Variants in COL4A4 observed in about 807,000 individuals in gnomAD.
The protein encoded by COL4A4 is collagen type IV alpha 4 chain.
In COL4A4, 105 loss-of-function variants were observed where a neutral mutation model predicts 192.9. The ratio of observed to expected loss-of-function variants is 0.54; its 90% CI spans 0.46 to 0.64. The LOEUF is 0.64. COL4A4 is among the 30% of genes least tolerant of loss of function. The pLI, the probability that COL4A4 is intolerant of heterozygous loss-of-function variation, is 0.00. For missense variants in COL4A4, 1,967 were observed against 2,169.3 expected (o/e 0.91, Z 1.85); for synonymous variants, 762 against 769.9 (o/e 0.99, Z 0.17).
At chr2:227,032,379 G>T in intron 38 of COL4A4, 103 bp from the exon 39 acceptor site, 2 of 1,353,656 alleles carry the variant, frequency 1.5e-6, no homozygotes, top group Non-Finnish European at 2.0e-6. Context: ...GGAGTGGCTG[G>T]TTCTGCAGAC....
intron 21 of COL4A4, 78 bp from the exon 22 acceptor site, chr2:227,088,894 A>G: frequency 1.3e-6 from 2 of 1,517,462 alleles, no homozygotes; most frequent in Middle Eastern, 1.7e-4. Flanking sequence ...TACAAAACCA[A>G]TAGCATAAAT....
At chr2:227,070,263 T>C (rs28841070) in intron 25 of COL4A4, among the ~76,000 whole-genome samples, 1 of 151,444 alleles carries the variant, frequency 6.6e-6, no homozygotes, top group African/African-American at 2.4e-5. Context: ...ACTTTTACAC[T>C]GTTGGTGGGA....
Position 227,121,153 on chromosome 2 carries a change from G to T in COL4A4, c.193-5C>A. 3 of 1,613,906 alleles carry T rather than the reference G, an allele frequency of 1.9e-6. No individual in the cohort carries two copies. The highest frequency in any genetic ancestry group is 2.5e-6 in the Non-Finnish European group (3 of 1,179,910). On this transcript the variant is annotated splice_polypyrimidine_tract_variant and splice_region_variant and intron_variant, in intron 4 of 47. Coordinates refer to ENST00000396625, the MANE Select transcript of COL4A4 (RefSeq NM_000092.5). ...CCCTGGTGGTCCTGGTGGACCCTGA[G>T]AAGGAAGATTAAAAAGAAATGGGGG...
chr2:227,018,235 G>A (rs150193508), intron 44 of COL4A4, among the ~76,000 whole-genome samples: 240 of 152,230 alleles, frequency 1.6e-3, no homozygotes, highest in African/African-American at 5.5e-3. Context: ...CTTTTGTTTT[G>A]TTTTGTTTTG....
chr2:227,044,366 A>G (rs1157748143), intron 35 of COL4A4, among the ~76,000 whole-genome samples: 1 of 152,200 alleles, frequency 6.6e-6, no homozygotes, highest in African/African-American at 2.4e-5. Flanking sequence ...GGATAAACCA[A>G]TAGTGTGTGC....
Position 227,134,739 on chromosome 2 carries a change from G to A in COL4A4, c.192+5422C>T, listed in dbSNP as rs76545024. On this transcript the variant is annotated intron_variant, in intron 4 of 47. Transcript: ENST00000396625. ...GTTTTTTAGTGATTTGAAATTCTCC[G>A]AAGAAAGAATGACTCACTCACGTTT... Among the ~76,000 whole-genome samples, 777 of 152,298 alleles carry A rather than the reference G, an allele frequency of 5.1e-3. 3 individuals are homozygous for A. The highest frequency in any genetic ancestry group is 8.8e-3 in the Non-Finnish European group (600 of 68,034).
chr2:227,112,161 CTG>C (rs757899096), intron 8 of COL4A4, among the ~76,000 whole-genome samples: 88 of 152,302 alleles, frequency 5.8e-4, no homozygotes, highest in Non-Finnish European at 1.2e-3. Context: ...CCTTGTGACT[CTG>C]TGCTGAGACT....
Position 227,041,775 on chromosome 2 carries a change from GAAGGAAGGAAGGGAAA to G in COL4A4, c.3505+357_3505+372del, listed in dbSNP as rs1321690277. Among the ~76,000 whole-genome samples the G allele has an allele frequency of 5.0e-3, 379 of 76,472 alleles. 11 individuals carry two copies. The highest frequency in any genetic ancestry group is 0.03 in the East Asian group (70 of 2,370). 50.2% of individuals were successfully genotyped at this position (76,472 alleles called of 152,430 possible). A position where few individuals can be genotyped will look rare whatever the true frequency, so the allele number is the denominator to read the frequency against. ...GGAAGGAAGGAAGGAAGGAAGGAAG[GAAGGAAGGAAGGGAAA>G]GAAAGAAAGAAAGGAAGAAAGAAAG... On this transcript the variant is annotated intron_variant, in intron 37 of 47. Coordinates refer to ENST00000396625, the MANE Select transcript of COL4A4 (RefSeq NM_000092.5).
At position 227,150,894 on chromosome 2, in the gene COL4A4, A is replaced by G. The variant is rs190820118; in HGVS notation, c.-101-3310T>C. ...GGGTGGGGACACAGAGCCAAACCATATCAGCCCTCCTTTTTTTTTTTTTAA... is the reference window on the plus strand; with the variant it reads ...GGGTGGGGACACAGAGCCAAACCATGTCAGCCCTCCTTTTTTTTTTTTTAA... On this transcript the variant is annotated intron_variant, in intron 1 of 47. Coordinates refer to ENST00000396625, the MANE Select transcript of COL4A4 (RefSeq NM_000092.5). Among the ~76,000 whole-genome samples the G allele has an allele frequency of 4.5e-3, 589 of 129,890 alleles. 10 individuals are homozygous for G. Among genetic ancestry groups the G allele is most frequent in the Non-Finnish European group, 7.8e-3 (469 of 60,176 alleles). 85.2% of individuals were successfully genotyped at this position (129,890 alleles called of 152,430 possible).
chr2:227,041,846 A>AAGAGAGAGAGAGAGAG (rs767450885), intron 37 of COL4A4, among the ~76,000 whole-genome samples: 10 of 39,300 alleles, frequency 2.5e-4, no homozygotes, highest in Non-Finnish European at 3.6e-4. Flanking sequence ...GAAAGAAAGA[A>AAGAGAGAGAGAGAGAG]AGAGAAAGAA....
At position 227,051,141 on chromosome 2, in the gene COL4A4, C is replaced by T. The variant is rs370474706; in HGVS notation, c.2986G>A (p.Gly996Arg). The change falls in exon 33 of 48, where the codon GGG (glycine) becomes AGG (arginine). Residue 996 changes from glycine (G) to arginine (R), a missense_variant. Transcript: ENST00000396625. Reference protein sequence around the residue: ...PGERGDKGTPGMQGRRGEPGR... With the variant: ...PGERGDKGTPRMQGRRGEPGR... ...GGCTCTCCTCTTCTCCCTTGCATCCCGGGAGTTCCTTTATCACCTGATGAA... is the reference window on the plus strand; with the variant it reads ...GGCTCTCCTCTTCTCCCTTGCATCCTGGGAGTTCCTTTATCACCTGATGAA... 65 of 1,614,004 alleles carry T rather than the reference C, an allele frequency of 4.0e-5. No individual in the cohort carries two copies. Among genetic ancestry groups the T allele is most frequent in the Non-Finnish European group, 4.9e-5 (58 of 1,180,008 alleles).
At chr2:227,030,310 G>A in intron 41 of COL4A4, 133 bp downstream of exon 41, 1 of 985,830 alleles carries the variant, frequency 1.0e-6, no homozygotes, top group Middle Eastern at 3.1e-4. Flanking sequence ...GGACTCTTTG[G>A]GGAAATAAGG....
chr2:226,973,916 T>C, the COL4A4 span, among the ~76,000 whole-genome samples: 1 of 152,166 alleles, frequency 6.6e-6, no homozygotes, highest in Admixed American at 6.5e-5. Flanking sequence ...CCTGAGAATC[T>C]CCTTTTCGTT....
intron 4 of COL4A4, among the ~76,000 whole-genome samples, chr2:227,121,506 G>A (rs1036840829): frequency 1.4e-5 from 2 of 148,078 alleles, no homozygotes; most frequent in Admixed American, 1.4e-4. Flanking sequence ...CGAGGTTGCA[G>A]TGAGCTGATC....
Position 227,121,025 on chromosome 2 carries a change from TGTCCCCTGCTGCTCCAGGAGGGCCGCG to T in COL4A4, c.289_315del (p.Arg97_Asp105del). 1 of 1,614,128 alleles carries T rather than the reference TGTCCCCTGCTGCTCCAGGAGGGCCGCG, an allele frequency of 6.2e-7. No homozygotes were observed. Among genetic ancestry groups the T allele is most frequent in the Non-Finnish European group, 8.5e-7 (1 of 1,179,988 alleles). Reference sequence around the variant, plus strand: ...AAGATGTGGCTTACCTTATCTCCTTTGTCCCCTGCTGCTCCAGGAGGGCCGCGGTCCCCTCTCATTCCTTTCTCTCCT... The same window carrying T: ...AAGATGTGGCTTACCTTATCTCCTTTGTCCCCTCTCATTCCTTTCTCTCCT... On this transcript the variant is annotated inframe_deletion, in exon 5 of 48. Coordinates refer to ENST00000396625, the MANE Select transcript of COL4A4 (RefSeq NM_000092.5).
At chr2:227,120,843 G>A (rs1468309854) in intron 5 of COL4A4, 171 bp downstream of exon 5, 3 of 741,808 alleles carry the variant, frequency 4.0e-6, no homozygotes, top group Admixed American at 2.4e-5. Context: ...GGAGGCTGAG[G>A]TGGGAGGCTC....
At chr2:227,078,954 G>T (rs1423839697) in intron 24 of COL4A4, among the ~76,000 whole-genome samples, 1 of 152,216 alleles carries the variant, frequency 6.6e-6, no homozygotes, top group Non-Finnish European at 1.5e-5. Context: ...CATCTGGTCT[G>T]GAAGAACTGT....
intron 44 of COL4A4, among the ~76,000 whole-genome samples, chr2:227,015,793 C>G (rs373994881): frequency 6.6e-6 from 1 of 152,072 alleles, no homozygotes; most frequent in African/African-American, 2.4e-5. Flanking sequence ...TAGGAAAATA[C>G]GCAATGACAT....
chr2:227,070,178 C>T (rs1340583284), intron 25 of COL4A4, among the ~76,000 whole-genome samples: 3 of 152,236 alleles, frequency 2.0e-5, no homozygotes, highest in Admixed American at 6.5e-5. Context: ...GATACCATCT[C>T]ACACCAGTTA....
Sources: gnomAD v4.1 joint callset for allele counts (sites outside exome capture counted in the v4.1 genomes callset) on GRCh38, gnomAD v4.1.1 for gene constraint, MANE v1.5 for transcripts, NCBI Gene and HGNC (gene_info 2026-07-23, HGNC 2026-07-21) for gene names.